The following CCDC47 variants were observed in gnomAD, a reference collection of about 807,000 sequenced individuals.
CCDC47 encodes coiled-coil domain containing 47.
A neutral mutation model predicts 60.5 loss-of-function variants in CCDC47; 41 were observed. The ratio of observed to expected loss-of-function variants is 0.68; its 90% CI spans 0.53 to 0.88. The LOEUF (loss-of-function observed/expected upper bound fraction) is 0.88, where lower values mean the gene tolerates loss of function less well. Ranked by LOEUF, CCDC47 falls within the 40% of genes least tolerant of loss-of-function variation. The pLI is 0.00. For missense variants in CCDC47, 513 were observed against 580.9 expected, an observed-to-expected ratio of 0.88 and a Z score of 1.20; for synonymous variants, 195 against 190.7, an observed-to-expected ratio of 1.02 and a Z score of -0.18.
rs989060650 is a variant in CCDC47, at chr17:63,746,547, C to A, written c.*334G>T. On this transcript the variant is annotated 3_prime_UTR_variant, in exon 13 of 13. Transcript: ENST00000225726. ...TCTACCTATAAATTTCACGGTATTT[C>A]TTTAAACACTGAAGTACTAAAAGCA... The A allele has an allele frequency of 3.1e-5, 6 of 190,726 alleles. No individual in the cohort carries two copies. Among genetic ancestry groups the A allele is most frequent in the Non-Finnish European group, 5.4e-5 (5 of 92,400 alleles). 11.8% of individuals were successfully genotyped at this position (190,726 alleles called of 1,614,324 possible).
Position 63,761,240 on chromosome 17 carries a change from A to G in CCDC47, c.659T>C (p.Ile220Thr). The part of the protein sequence containing the change: ...SGRVCCEGML[I>T]QLRFLKRQDL... The stretch of plus-strand genomic sequence containing the variant: ...AAGTTTCCTACTTACCCTCAGCTGG[A>G]TAAGCATGCCCTCACAGCACACTCG... Residue 220 changes from isoleucine (I) to threonine (T), a missense_variant, in exon 5 of 13, where the codon ATC becomes ACC. Transcript: ENST00000225726. The G allele has an allele frequency of 6.2e-7, 1 of 1,614,146 alleles. No individual in the cohort carries two copies. Among genetic ancestry groups the G allele is most frequent in the East Asian group, 2.2e-5 (1 of 44,890 alleles).
At position 63,771,305 on chromosome 17, in the gene CCDC47, G is replaced by A. The variant is rs142208978; in HGVS notation, c.-20+2107C>T. 5.4e-3 allele frequency among the ~76,000 whole-genome samples: 823 copies of A among 152,114 alleles called. 6 individuals are homozygous for A. The highest frequency in any genetic ancestry group is 0.018 in the African/African-American group (748 of 41,476). On this transcript the variant is annotated intron_variant, in intron 1 of 12. Coordinates refer to ENST00000225726, the MANE Select transcript of CCDC47 (RefSeq NM_020198.3). Reference sequence around the variant, plus strand: ...AGTGTATATACATATACATATATAAGTATATGGTAGGAGGTGCATAGGTTA... The same window carrying A: ...AGTGTATATACATATACATATATAAATATATGGTAGGAGGTGCATAGGTTA...
chr17:63,771,117 G>T (rs936264089), intron 1 of CCDC47, among the ~76,000 whole-genome samples: 1 of 151,816 alleles, frequency 6.6e-6, no homozygotes, highest in Non-Finnish European at 1.5e-5. Context: ...AAATGATTTT[G>T]AGAAATGCCA....
intron 4 of CCDC47, among the ~76,000 whole-genome samples, chr17:63,763,772 C>A (rs545687782): frequency 6.6e-6 from 1 of 151,138 alleles, no homozygotes; most frequent in East Asian, 1.9e-4. Flanking sequence ...TGCAGTGAGC[C>A]GAGATCGCGC....
intron 10 of CCDC47, 132 bp downstream of exon 10, chr17:63,752,609 T>C: frequency 1.0e-6 from 1 of 960,380 alleles, no homozygotes; most frequent in Non-Finnish European, 1.5e-6. Context: ...TGAAGAAATC[T>C]GGAAATCAGT....
intron 12 of CCDC47, among the ~76,000 whole-genome samples, chr17:63,750,714 A>G (rs1419425975): frequency 6.6e-6 from 1 of 151,638 alleles, no homozygotes; most frequent in East Asian, 1.9e-4. Context: ...CCTCCTGAGT[A>G]GCTGGGATTA....
chr17:63,762,966 G>A (rs2039271643), intron 4 of CCDC47, among the ~76,000 whole-genome samples: 1 of 152,114 alleles, frequency 6.6e-6, no homozygotes, highest in South Asian at 2.1e-4. Context: ...CTGTCACCCA[G>A]GCTGGAGTGC....
At chr17:63,754,398 G>A (rs770190622) in intron 9 of CCDC47, 35 bp downstream of exon 9, 3 of 1,300,208 alleles carry the variant, frequency 2.3e-6, no homozygotes, top group African/African-American at 1.5e-5. Context: ...AGCTAGTGAG[G>A]AAAATTAATT....
chr17:63,764,095 C>A lies in CCDC47; in HGVS notation c.468G>T (p.Gly156=). 6.2e-7 allele frequency: 1 copy of A among 1,613,214 alleles called. No homozygotes were observed. The highest frequency in any genetic ancestry group is 1.3e-5 in the African/African-American group (1 of 74,992). The change falls in exon 4 of 13, where the codon GGG becomes GGT. Residue 156 remains glycine, a synonymous_variant. Coordinates refer to ENST00000225726, the MANE Select transcript of CCDC47 (RefSeq NM_020198.3). ...GTGCAAGGCGACTGTTTTTATTCTTCCCAATGATGTAATTCATGATATAAG... is the reference window on the plus strand; with the variant it reads ...GTGCAAGGCGACTGTTTTTATTCTTACCAATGATGTAATTCATGATATAAG... ...LLAYIMNYII[G]KNKNSRLAQA...
intron 9 of CCDC47, among the ~76,000 whole-genome samples, 165 bp downstream of exon 9, chr17:63,754,268 A>G (rs951080555): frequency 2.0e-5 from 3 of 152,188 alleles, no homozygotes; most frequent in Non-Finnish European, 4.4e-5. Flanking sequence ...TAGGTTTACA[A>G]TGACCTCTTA....
intron 11 of CCDC47, 25 bp downstream of exon 11, chr17:63,752,295 A>G (rs2039172897): frequency 1.3e-6 from 2 of 1,535,032 alleles, no homozygotes; most frequent in Non-Finnish European, 1.8e-6. Flanking sequence ...GTGCCAATTT[A>G]TATAATACAG....
intron 12 of CCDC47, 76 bp from the exon 13 acceptor site, chr17:63,747,037 TAAAAA>T: frequency 6.5e-7 from 1 of 1,541,216 alleles, no homozygotes; most frequent in Non-Finnish European, 8.8e-7. Context: ...AAACATATGT[TAAAAA>T]AAAATCCAAA....
Position 63,752,418 on chromosome 17 carries a change from C to T in CCDC47, c.1105G>A (p.Gly369Ser). Residue 369 changes from glycine (G) to serine (S), a missense_variant, in exon 11 of 13, where the codon GGT becomes AGT. By Grantham distance (56) the Gly-to-Ser change is moderately conservative. Coordinates refer to ENST00000225726, the MANE Select transcript of CCDC47 (RefSeq NM_020198.3). ...LLFTFNVPGSGNTYPKDMEAL... is the reference protein window; with the variant it reads ...LLFTFNVPGSSNTYPKDMEAL... ...TCCATATCCTTTGGGTAAGTGTTAC[C>T]TGAGCCAGGCACTGGAAAACAAAGC... The T allele has an allele frequency of 6.2e-7, 1 of 1,609,282 alleles. No individual in the cohort carries two copies. Among genetic ancestry groups the T allele is most frequent in the Non-Finnish European group, 8.5e-7 (1 of 1,177,252 alleles).
At chr17:63,755,298 A>G (rs1287927802) in intron 8 of CCDC47, 11 of 984,840 alleles carry the variant, frequency 1.1e-5, no homozygotes, top group East Asian at 1.1e-4. Context: ...TTAAATTTCA[A>G]TAAGATAGGG....
chr17:63,755,728 C>G (rs1041951338), intron 8 of CCDC47, among the ~76,000 whole-genome samples: 2 of 151,970 alleles, frequency 1.3e-5, no homozygotes, highest in Admixed American at 1.3e-4. Flanking sequence ...CTCTCTCAGC[C>G]AGGCACAATG....
intron 1 of CCDC47, among the ~76,000 whole-genome samples, chr17:63,770,106 C>G (rs529641205): frequency 7.9e-5 from 12 of 151,782 alleles, no homozygotes; most frequent in African/African-American, 2.7e-4. Flanking sequence ...GTTATAGGCA[C>G]TCACCATCAT....
At chr17:63,760,889 G>A (rs1228591219) in intron 6 of CCDC47, 25 bp downstream of exon 6, 1 of 1,495,638 alleles carries the variant, frequency 6.7e-7, no homozygotes, top group East Asian at 2.3e-5. Flanking sequence ...TCTGTACACA[G>A]AAAACCAGCG....
chr17:63,761,404 GGGGGTGGT>G, intron 4 of CCDC47, 53 bp from the exon 5 acceptor site: 1 of 1,605,348 alleles, frequency 6.2e-7, no homozygotes. Flanking sequence ...AGGCCGGGCC[GGGGGTGGT>G]GGCTCACGCC....
chr17:63,750,790 T>G (rs973087055), intron 12 of CCDC47, among the ~76,000 whole-genome samples: 3 of 152,200 alleles, frequency 2.0e-5, no homozygotes, highest in Admixed American at 6.5e-5. Flanking sequence ...GGTTTCAGCA[T>G]GTTGGTCAGG....
Sources: gnomAD v4.1 joint callset for allele counts (sites outside exome capture counted in the v4.1 genomes callset) on GRCh38, gnomAD v4.1.1 for gene constraint, MANE v1.5 for transcripts, NCBI Gene and HGNC (gene_info 2026-07-23, HGNC 2026-07-21) for gene names.